LAPTM4B: variants seen among roughly 807,000 people sequenced by gnomAD.
LAPTM4B encodes the protein lysosomal-associated transmembrane protein 4B.
LAPTM4B carries 26 observed loss-of-function variants against 28.5 expected under a neutral mutation model. The ratio of observed to expected loss-of-function variants is 0.91; its 90% CI spans 0.67 to 1.27. LAPTM4B has a LOEUF of 1.27. Among genes scored for constraint, LAPTM4B ranks in the 50% most tolerant of loss-of-function variants. LAPTM4B has a pLI of 0.00. For missense variants in LAPTM4B, 288 were observed against 285.8 expected (o/e 1.01, Z -0.06); for synonymous variants, 109 against 106.4 (o/e 1.02, Z -0.15).
rs185908427 is a variant in LAPTM4B, at chr8:97,796,036, C to T, written c.100-9317C>T. Among the ~76,000 whole-genome samples, 566 of 103,756 alleles carry T rather than the reference C, an allele frequency of 5.5e-3. 6 individuals carry two copies. The highest frequency in any genetic ancestry group is 0.027 in the Middle Eastern group (6 of 222). The allele number at this position is 103,756 out of a possible 152,430, so 68.1% of individuals were successfully genotyped here. ...CTTACCGCAGCCTCAACCTCCCGGG[C>T]TCAAGCGATCCTCTTGCCTTGGCCC... On this transcript the variant is annotated intron_variant, in intron 1 of 6. Transcript: ENST00000521545.
intron 2 of LAPTM4B, 48 bp from the exon 3 acceptor site, chr8:97,815,280 C>T: frequency 7.3e-7 from 1 of 1,366,384 alleles, no homozygotes; most frequent in Non-Finnish European, 1.0e-6. Context: ...TCAGTGGATC[C>T]ACTACTGATT....
At chr8:97,835,574 T>C (rs1817246683) in intron 6 of LAPTM4B, among the ~76,000 whole-genome samples, 1 of 152,244 alleles carries the variant, frequency 6.6e-6, no homozygotes, top group South Asian at 2.1e-4. Flanking sequence ...TGAGTAGTCA[T>C]GTCCAAATGA....
intron 1 of LAPTM4B, among the ~76,000 whole-genome samples, chr8:97,782,470 ACT>A (rs1238634527): frequency 6.7e-6 from 1 of 149,134 alleles, no homozygotes; most frequent in Non-Finnish European, 1.5e-5. Context: ...ACAGAGCCTC[ACT>A]CTGTTGTCCA....
At position 97,851,453 on chromosome 8, in the gene LAPTM4B, G is replaced by A. The variant is rs754566573; in HGVS notation, c.660G>A (p.Pro220=). 1.1e-5 allele frequency: 17 copies of A among 1,613,860 alleles called. No individual in the cohort carries two copies. The highest frequency in any genetic ancestry group is 8.8e-5 in the South Asian group (8 of 91,082). ...ATVNGAAKEP[P]PPYVSA ...TGAATGGTGCTGCCAAGGAGCCACCGCCACCTTACGTGTCTGCCTAAGCCT... is the reference window on the plus strand; with the variant it reads ...TGAATGGTGCTGCCAAGGAGCCACCACCACCTTACGTGTCTGCCTAAGCCT... The change falls in exon 7 of 7, where the codon CCG becomes CCA. Residue 220 remains proline (P), a synonymous_variant. Coordinates refer to ENST00000521545, the MANE Select transcript of LAPTM4B (RefSeq NM_018407.6).
chr8:97,849,180 GC>G (rs570058691), intron 6 of LAPTM4B, among the ~76,000 whole-genome samples: 251 of 152,278 alleles, frequency 1.6e-3, no homozygotes, highest in Middle Eastern at 6.8e-3. Flanking sequence ...CCTCTTTACT[GC>G]ACACCTGGTC....
At chr8:97,801,648 C>A (rs1019055842) in intron 1 of LAPTM4B, among the ~76,000 whole-genome samples, 2 of 151,992 alleles carry the variant, frequency 1.3e-5, no homozygotes, top group African/African-American at 4.8e-5. Flanking sequence ...TTGAGACCAG[C>A]CTGGCTAATA....
intron 1 of LAPTM4B, among the ~76,000 whole-genome samples, chr8:97,779,336 C>A (rs893715426): frequency 6.6e-6 from 1 of 151,858 alleles, no homozygotes; most frequent in Non-Finnish European, 1.5e-5. Context: ...ACTAAAAGTA[C>A]AAATTAGGTG....
intron 6 of LAPTM4B, among the ~76,000 whole-genome samples, chr8:97,842,585 C>A (rs1204145792): frequency 6.6e-6 from 1 of 152,168 alleles, no homozygotes; most frequent in Non-Finnish European, 1.5e-5. Context: ...CTGGCGCGAT[C>A]TCAGCTCACT....
At chr8:97,835,919 C>A (rs7004556) in intron 6 of LAPTM4B, among the ~76,000 whole-genome samples, 2 of 152,146 alleles carry the variant, frequency 1.3e-5, no homozygotes, top group Admixed American at 6.5e-5. Context: ...ACCTGAGCAC[C>A]ACTTACAAGA....
chr8:97,839,660 C>G (rs1378164213), intron 6 of LAPTM4B, among the ~76,000 whole-genome samples: 1 of 152,080 alleles, frequency 6.6e-6, no homozygotes, highest in Non-Finnish European at 1.5e-5. Flanking sequence ...GAGAGGACAT[C>G]TAGAGCAGTC....
At chr8:97,818,468 C>A (rs535968308) in intron 4 of LAPTM4B, among the ~76,000 whole-genome samples, 1 of 152,172 alleles carries the variant, frequency 6.6e-6, no homozygotes, top group African/African-American at 2.4e-5. Flanking sequence ...GAAAGTCCGG[C>A]AACTCCCTCT....
At chr8:97,799,980 T>G (rs1191962728) in intron 1 of LAPTM4B, among the ~76,000 whole-genome samples, 7 of 152,180 alleles carry the variant, frequency 4.6e-5, no homozygotes, top group African/African-American at 1.4e-4. Context: ...GTTCAAATGC[T>G]CCCATCTCTG....
intron 1 of LAPTM4B, among the ~76,000 whole-genome samples, chr8:97,782,654 T>G (rs993114598): frequency 2.1e-4 from 32 of 151,912 alleles, no homozygotes; most frequent in African/African-American, 7.5e-4. Flanking sequence ...GTCAGGCTTG[T>G]CTCGAACTCC....
At chr8:97,776,689 GT>G (rs1437221490) in intron 1 of LAPTM4B, among the ~76,000 whole-genome samples, 1 of 135,036 alleles carries the variant, frequency 7.4e-6, no homozygotes, top group Non-Finnish European at 1.5e-5. Context: ...TTGTGAATGG[GT>G]CCCCCCCCCG....
chr8:97,776,039 C>T lies in LAPTM4B; in HGVS notation c.30C>T (p.Phe10=), dbSNP rs758949119. Residue 10 remains phenylalanine, a synonymous_variant, in exon 1 of 7, where the codon TTC becomes TTT. Coordinates refer to ENST00000521545, the MANE Select transcript of LAPTM4B (RefSeq NM_018407.6). ...AGATGGTCGCGCCCTGGACGCGGTT[C>T]TACTCCAACAGCTGCTGCTTGTGCT... MKMVAPWTR[F]YSNSCCLCCH... is the part of the protein sequence containing the mutation. The T allele has an allele frequency of 3.3e-5, 53 of 1,586,440 alleles. No individual in the cohort carries two copies. The highest frequency in any genetic ancestry group is 4.1e-5 in the Non-Finnish European group (48 of 1,170,004).
At chr8:97,810,768 G>C (rs1017516863) in intron 2 of LAPTM4B, among the ~76,000 whole-genome samples, 1 of 152,152 alleles carries the variant, frequency 6.6e-6, no homozygotes, top group East Asian at 1.9e-4. Context: ...TTAATTTTGT[G>C]GTAGATTTGT....
At chr8:97,812,455 C>T (rs956617744) in intron 2 of LAPTM4B, among the ~76,000 whole-genome samples, 13 of 152,188 alleles carry the variant, frequency 8.5e-5, no homozygotes, top group African/African-American at 2.4e-4. Flanking sequence ...GATCCACCTG[C>T]GTCGGCCTCC....
chr8:97,835,462 C>T (rs1295564246), intron 6 of LAPTM4B, among the ~76,000 whole-genome samples: 6 of 152,178 alleles, frequency 3.9e-5, no homozygotes, highest in South Asian at 2.1e-4. Flanking sequence ...GAAAGGAATG[C>T]GTAACGCAGA....
intron 1 of LAPTM4B, among the ~76,000 whole-genome samples, chr8:97,798,166 G>A (rs185434397): frequency 9.2e-5 from 14 of 152,208 alleles, no homozygotes; most frequent in Admixed American, 2.0e-4. Flanking sequence ...TGCCATTTTC[G>A]CTCTTTCAGG....
Sources: allele counts gnomAD v4.1 joint callset (sites outside exome capture counted in the v4.1 genomes callset), GRCh38; gene constraint gnomAD v4.1.1; transcripts MANE v1.5; gene names NCBI Gene and HGNC (gene_info 2026-07-23, HGNC 2026-07-21).